Variants in CSMD1 observed in about 807,000 individuals in gnomAD.
CSMD1 encodes the protein CUB and Sushi multiple domains 1, also known as CUB and sushi domain-containing protein 1.
A neutral mutation model predicts 417.5 loss-of-function variants in CSMD1; 213 were observed. The ratio of observed to expected loss-of-function variants is 0.51; its 90% CI spans 0.46 to 0.57. The LOEUF (loss-of-function observed/expected upper bound fraction) is 0.57. CSMD1 is among the 20% of genes least tolerant of loss of function. CSMD1 has a pLI of 0.00. For missense variants in CSMD1, 6,923 were observed against 4,529.7 expected, an observed-to-expected ratio of 1.53 and a Z score of -15.17; for synonymous variants, 2,862 against 1,736.8, an observed-to-expected ratio of 1.65 and a Z score of -16.11.
intron 3 of CSMD1, among the ~76,000 whole-genome samples, chr8:4,051,688 A>G (rs1472376700): frequency 1.3e-5 from 2 of 152,136 alleles, no homozygotes; most frequent in Non-Finnish European, 2.9e-5. Flanking sequence ...ATCAAGGCCA[A>G]TTTATTTTCC....
At chr8:4,892,611 T>C (rs1248956337) in intron 1 of CSMD1, among the ~76,000 whole-genome samples, 1 of 152,020 alleles carries the variant, frequency 6.6e-6, no homozygotes, top group Non-Finnish European at 1.5e-5. Flanking sequence ...AAAGTAAAAG[T>C]AGTCTTTCCT....
chr8:4,561,836 G>C (rs73498658), intron 2 of CSMD1, among the ~76,000 whole-genome samples: 8,145 of 152,246 alleles, frequency 0.053, 331 homozygotes, highest in African/African-American at 0.12. Flanking sequence ...TGAGGGGATG[G>C]AGTCCCAGAG....
intron 5 of CSMD1, among the ~76,000 whole-genome samples, chr8:3,871,535 A>G (rs1297603098): frequency 6.6e-6 from 1 of 152,156 alleles, no homozygotes; most frequent in East Asian, 1.9e-4. Flanking sequence ...GCTTGATTTT[A>G]ATTTTTCTTA....
At chr8:3,292,283 C>T (rs1048500574) in intron 25 of CSMD1, among the ~76,000 whole-genome samples, 4 of 152,074 alleles carry the variant, frequency 2.6e-5, no homozygotes, top group African/African-American at 4.8e-5. Flanking sequence ...TGGTGTGGTG[C>T]TGAAAAGAAT....
In CSMD1 at chr8:4,787,700, T is replaced by C. The variant is rs190076521; in HGVS notation, c.86-150142A>G. The stretch of plus-strand genomic sequence containing the variant: ...TACCCACCTAAAGTGGAGTTGTTTT[T>C]CAAGGATGCTGCCAATAATGACCCA... On this transcript the variant is annotated intron_variant, in intron 1 of 69. Coordinates refer to ENST00000635120, the MANE Select transcript of CSMD1 (RefSeq NM_033225.6). The C allele has an allele frequency of 1.9e-6, 3 of 1,593,318 alleles. No homozygotes were observed. In the Admixed American group the frequency reaches 5.0e-5, roughly 27 times the overall value.
chr8:3,432,428 G>T (rs1161987809), intron 12 of CSMD1, among the ~76,000 whole-genome samples: 1 of 151,368 alleles, frequency 6.6e-6, no homozygotes, highest in South Asian at 2.1e-4. Flanking sequence ...AGTCTTTGGT[G>T]CAAAAATAGA....
At chr8:4,834,723 G>A (rs558421181) in intron 1 of CSMD1, among the ~76,000 whole-genome samples, 3 of 151,816 alleles carry the variant, frequency 2.0e-5, no homozygotes, top group African/African-American at 7.3e-5. Flanking sequence ...TTGGGAGGCC[G>A]AGGCGGGCGG....
At chr8:3,706,987 AGATT>A (rs1298666279) in intron 7 of CSMD1, among the ~76,000 whole-genome samples, 1 of 151,684 alleles carries the variant, frequency 6.6e-6, no homozygotes, top group Non-Finnish European at 1.5e-5. Context: ...AAACATTTAC[AGATT>A]GATTTTTTTT....
At chr8:3,100,635 C>T (rs11991618) in intron 46 of CSMD1, among the ~76,000 whole-genome samples, 8 of 152,304 alleles carry the variant, frequency 5.3e-5, no homozygotes, top group African/African-American at 1.9e-4. Context: ...ACATCACCTG[C>T]GCCTCGAGTT....
chr8:4,990,836 C>G (rs1453787833), intron 1 of CSMD1, among the ~76,000 whole-genome samples: 1 of 152,090 alleles, frequency 6.6e-6, no homozygotes, highest in Non-Finnish European at 1.5e-5. Context: ...AATAAGGTAA[C>G]TCATCTAAAA....
intron 5 of CSMD1, among the ~76,000 whole-genome samples, chr8:3,880,843 G>A (rs913810537): frequency 5.9e-5 from 9 of 152,018 alleles, no homozygotes; most frequent in Non-Finnish European, 1.2e-4. Context: ...AATGACCTGC[G>A]CATTTATATT....
intron 2 of CSMD1, among the ~76,000 whole-genome samples, chr8:4,522,378 T>C (rs1290375602): frequency 2.0e-5 from 3 of 152,192 alleles, no homozygotes; most frequent in Non-Finnish European, 4.4e-5. Context: ...GGTATGCCTT[T>C]ATCAGCAGCG....
At chr8:3,856,510 C>A (rs746043359) in intron 5 of CSMD1, among the ~76,000 whole-genome samples, 8 of 152,154 alleles carry the variant, frequency 5.3e-5, no homozygotes, top group Non-Finnish European at 1.0e-4. Flanking sequence ...GCATGAGGAT[C>A]AAATGGAAAT....
chr8:3,365,918 A>T (rs971111325), intron 20 of CSMD1, among the ~76,000 whole-genome samples: 1 of 152,314 alleles, frequency 6.6e-6, no homozygotes, highest in African/African-American at 2.4e-5. Context: ...GCTGTTGTTT[A>T]TATAAAAGTG....
intron 2 of CSMD1, among the ~76,000 whole-genome samples, chr8:4,595,530 T>G (rs1448142148): frequency 2.0e-5 from 3 of 152,118 alleles, no homozygotes; most frequent in African/African-American, 4.8e-5. Flanking sequence ...TAATGTCTAC[T>G]GTAGACTAGC....
At chr8:4,641,244 G>A (rs534870456) in intron 1 of CSMD1, among the ~76,000 whole-genome samples, 1 of 151,928 alleles carries the variant, frequency 6.6e-6, no homozygotes, top group Admixed American at 6.6e-5. Flanking sequence ...CTGAACACAT[G>A]CCATAATTTT....
intron 1 of CSMD1, among the ~76,000 whole-genome samples, chr8:4,733,966 T>C (rs940937389): frequency 1.2e-4 from 18 of 152,212 alleles, no homozygotes; most frequent in Non-Finnish European, 2.1e-4. Flanking sequence ...GTTAGAATTA[T>C]GCCCCTATGC....
chr8:3,931,713 C>T (rs571415426), intron 5 of CSMD1, among the ~76,000 whole-genome samples: 1 of 149,126 alleles, frequency 6.7e-6, no homozygotes, highest in East Asian at 2.0e-4. Flanking sequence ...AGAAGAAGGA[C>T]AGCATTACAA....
chr8:3,309,823 C>T (rs1048322342), intron 23 of CSMD1, among the ~76,000 whole-genome samples: 7 of 152,186 alleles, frequency 4.6e-5, no homozygotes, highest in African/African-American at 1.4e-4. Flanking sequence ...TATAATTTTA[C>T]CCTGCTGATG....
Sources: gnomAD v4.1 joint callset for allele counts (sites outside exome capture counted in the v4.1 genomes callset) on GRCh38, gnomAD v4.1.1 for gene constraint, MANE v1.5 for transcripts, NCBI Gene and HGNC (gene_info 2026-07-23, HGNC 2026-07-21) for gene names.